The following CPPED1 variants were observed in gnomAD, a reference collection of about 807,000 sequenced individuals.
The protein encoded by CPPED1 is calcineurin like phosphoesterase domain containing 1, also known as serine/threonine-protein phosphatase CPPED1.
In CPPED1, 28 loss-of-function variants were observed where a neutral mutation model predicts 28.0. The ratio of observed to expected loss-of-function variants is 1.00; its 90% CI spans 0.74 to 1.37. The LOEUF is 1.37. CPPED1 is among the 40% of genes most tolerant of loss of function. The probability of loss-of-function intolerance (pLI) is 0.00; values close to 1 mark genes in which losing one functional copy is unlikely to be tolerated. For synonymous variants in CPPED1, 198 were observed against 180.2 expected (o/e 1.10, Z -0.79); for missense variants, 504 against 416.5 (o/e 1.21, Z -1.83).
intron 2 of CPPED1, among the ~76,000 whole-genome samples, chr16:12,763,654 A>T (rs1018206257): frequency 6.6e-6 from 1 of 152,180 alleles, no homozygotes; most frequent in South Asian, 2.1e-4. Context: ...CTACAGAGAG[A>T]TTAGATAACT....
intron 2 of CPPED1, among the ~76,000 whole-genome samples, chr16:12,735,407 T>A (rs1018181415): frequency 1.3e-5 from 2 of 152,256 alleles, no homozygotes; most frequent in Non-Finnish European, 2.9e-5. Context: ...TTCTCCCGCC[T>A]TAGCGTTCCG....
chr16:12,772,945 A>T (rs1002075060), intron 2 of CPPED1, among the ~76,000 whole-genome samples: 2 of 152,194 alleles, frequency 1.3e-5, no homozygotes, highest in Non-Finnish European at 2.9e-5. Flanking sequence ...TGTTAGCAAA[A>T]CATATGAATA....
chr16:12,760,004 A>G (rs1277210253), intron 2 of CPPED1, among the ~76,000 whole-genome samples: 1 of 152,230 alleles, frequency 6.6e-6, no homozygotes, highest in Non-Finnish European at 1.5e-5. Flanking sequence ...TGTCTTTTCT[A>G]AATGAAGTCA....
At chr16:12,740,721 G>T (rs908622228) in intron 2 of CPPED1, among the ~76,000 whole-genome samples, 2 of 152,298 alleles carry the variant, frequency 1.3e-5, no homozygotes, top group Non-Finnish European at 1.5e-5. Flanking sequence ...TGAGAATGCT[G>T]GGGGAGCAGG....
intron 2 of CPPED1, among the ~76,000 whole-genome samples, chr16:12,775,001 G>C (rs1292465385): frequency 2.0e-5 from 3 of 152,014 alleles, no homozygotes; most frequent in Admixed American, 6.6e-5. Flanking sequence ...TCTATTTTTT[G>C]TATAGACGGG....
chr16:12,697,974 G>A (rs951308697), intron 3 of CPPED1, among the ~76,000 whole-genome samples: 9 of 152,112 alleles, frequency 5.9e-5, no homozygotes, highest in African/African-American at 2.2e-4. Context: ...GCCAGATGTG[G>A]TGGCGTGTGC....
intron 2 of CPPED1, among the ~76,000 whole-genome samples, chr16:12,751,651 TA>T (rs2080329951): frequency 1.3e-5 from 2 of 152,088 alleles, no homozygotes; most frequent in South Asian, 4.2e-4. Flanking sequence ...GAGAGAAAAA[TA>T]AACTCTTAAC....
Position 12,781,309 on chromosome 16 carries a change from G to T in CPPED1, c.165C>A (p.Asp55Glu). The T allele has an allele frequency of 6.2e-7, 1 of 1,614,134 alleles. No homozygotes were observed. The highest frequency in any genetic ancestry group is 8.5e-7 in the Non-Finnish European group (1 of 1,180,034). ...CCTGTTCCCATTCGTCACCGCCATT[G>T]TCACAGTCCCCAGTGGACCAGGCCT... is the stretch of plus-strand genomic sequence containing the variant. ...LIKAWSTGDCDNGGDEWEQEI... is the reference protein window; with the variant it reads ...LIKAWSTGDCENGGDEWEQEI... Residue 55 changes from aspartate (D) to glutamate (E), a missense_variant, in exon 2 of 4, where the codon GAC (aspartate) becomes GAA (glutamate). Transcript: ENST00000381774.
intron 2 of CPPED1, among the ~76,000 whole-genome samples, chr16:12,717,732 C>T (rs2141195693): frequency 6.6e-6 from 1 of 152,286 alleles, no homozygotes; most frequent in East Asian, 1.9e-4. Context: ...ACCTCCACCT[C>T]CTGGGTTCAA....
chr16:12,799,005 C>T (rs1031354504), intron 1 of CPPED1, among the ~76,000 whole-genome samples: 1 of 152,126 alleles, frequency 6.6e-6, no homozygotes, highest in African/African-American at 2.4e-5. Flanking sequence ...CATACCACTA[C>T]TGGAAGGAGT....
At chr16:12,750,170 T>C (rs2080318398) in intron 2 of CPPED1, among the ~76,000 whole-genome samples, 2 of 152,342 alleles carry the variant, frequency 1.3e-5, no homozygotes, top group Admixed American at 1.3e-4. Context: ...TGTTTCACTT[T>C]CTTATCATTT....
chr16:12,679,538 G>A (rs775529871), intron 3 of CPPED1, among the ~76,000 whole-genome samples: 9 of 152,234 alleles, frequency 5.9e-5, no homozygotes, highest in South Asian at 2.1e-4. Flanking sequence ...ATATATGTTA[G>A]ATATAGATCT....
chr16:12,747,226 A>G (rs1457303545), intron 2 of CPPED1, among the ~76,000 whole-genome samples: 1 of 151,812 alleles, frequency 6.6e-6, no homozygotes, highest in East Asian at 1.9e-4. Context: ...GCCCAGGAAT[A>G]TAAGACCAGC....
intron 3 of CPPED1, 136 bp from the exon 4 acceptor site, chr16:12,665,251 G>A: frequency 1.3e-6 from 1 of 756,714 alleles, no homozygotes; most frequent in Non-Finnish European, 2.0e-6. Context: ...CATATTAAAT[G>A]TATAATATTA....
At chr16:12,673,260 G>A (rs940979719) in intron 3 of CPPED1, among the ~76,000 whole-genome samples, 4 of 152,168 alleles carry the variant, frequency 2.6e-5, no homozygotes, top group Non-Finnish European at 5.9e-5. Flanking sequence ...TGGCTCTCCT[G>A]GGGTTTCACA....
chr16:12,696,501 C>G (rs867752068), intron 3 of CPPED1, among the ~76,000 whole-genome samples: 2 of 142,394 alleles, frequency 1.4e-5, no homozygotes, highest in Non-Finnish European at 3.0e-5. Context: ...AATGCAGTGG[C>G]GTGATCTCGG....
chr16:12,675,037 C>A (rs2079871092), intron 3 of CPPED1, among the ~76,000 whole-genome samples: 1 of 152,196 alleles, frequency 6.6e-6, no homozygotes, highest in Admixed American at 6.5e-5. Context: ...ATAATCCTGT[C>A]CCTTTCATGC....
At chr16:12,681,020 G>A (rs1419495033) in intron 3 of CPPED1, among the ~76,000 whole-genome samples, 2 of 151,946 alleles carry the variant, frequency 1.3e-5, no homozygotes. Flanking sequence ...TTTTGCTTGG[G>A]TAGGAAGCAA....
At chr16:12,723,070 G>A (rs1225942115) in intron 2 of CPPED1, among the ~76,000 whole-genome samples, 1 of 152,098 alleles carries the variant, frequency 6.6e-6, no homozygotes, top group Non-Finnish European at 1.5e-5. Flanking sequence ...GAACAGGAGG[G>A]TCGGCAACGT....
Sources: allele counts gnomAD v4.1 joint callset (sites outside exome capture counted in the v4.1 genomes callset), GRCh38; gene constraint gnomAD v4.1.1; transcripts MANE v1.5; gene names NCBI Gene and HGNC (gene_info 2026-07-23, HGNC 2026-07-21).